Variants in TCF4 observed in about 807,000 individuals in gnomAD.
The protein encoded by TCF4 is SL3-3 enhancer factor 2.
In TCF4, 3 loss-of-function variants were observed where a neutral mutation model predicts 82.1. The ratio of observed to expected loss-of-function variants is 0.04; its 90% confidence interval spans 0.02 to 0.09. The LOEUF (loss-of-function observed/expected upper bound fraction) is 0.09, where lower values mean the gene tolerates loss of function less well. Ranked by LOEUF, TCF4 falls within the 10% of genes least tolerant of loss-of-function variation. The pLI is 1.00. For synonymous variants in TCF4, 276 were observed against 309.6 expected, an observed-to-expected ratio of 0.89 and a Z score of 1.14; for missense variants, 518 against 852.7, an observed-to-expected ratio of 0.61 and a Z score of 4.89.
At chr18:55,527,109 T>C (rs1307554697) in intron 3 of TCF4, among the ~76,000 whole-genome samples, 1 of 152,194 alleles carries the variant, frequency 6.6e-6, no homozygotes, top group African/African-American at 2.4e-5. Context: ...GTGAAAATAG[T>C]AACCTCACGC....
At position 55,532,278 on chromosome 18, in the gene TCF4, C is replaced by T. The variant is rs530049243; in HGVS notation, c.145+53002G>A. On this transcript the variant is annotated intron_variant, in intron 3 of 19. Transcript: ENST00000354452. Reference sequence around the variant, plus strand: ...TGGATTAAGGAGTTAATAGTCATTGCCATCCTCATCATCATCATCATCAAC... The same window carrying T: ...TGGATTAAGGAGTTAATAGTCATTGTCATCCTCATCATCATCATCATCAAC... Among the ~76,000 whole-genome samples, 3 of 152,222 alleles carry T rather than the reference C, an allele frequency of 2.0e-5. 1 individual carries two copies. Among genetic ancestry groups the T allele is most frequent in the African/African-American group, 2.4e-5 (1 of 41,524 alleles).
At chr18:55,422,019 A>G (rs184020383) in intron 5 of TCF4, 394 of 229,094 alleles carry the variant, frequency 1.7e-3, no homozygotes, top group Non-Finnish European at 1.9e-3. Flanking sequence ...CTAAACCAGA[A>G]GTGTTGAGTG....
At chr18:55,615,549 C>A (rs2097710958) in intron 2 of TCF4, among the ~76,000 whole-genome samples, 2 of 151,882 alleles carry the variant, frequency 1.3e-5, no homozygotes, top group African/African-American at 4.8e-5. Context: ...TTGGCTATAA[C>A]CTTAAATGCA....
chr18:55,354,809 G>A (rs570869388), intron 6 of TCF4, among the ~76,000 whole-genome samples: 1 of 152,204 alleles, frequency 6.6e-6, no homozygotes, highest in South Asian at 2.1e-4. Flanking sequence ...GAATTTCAGA[G>A]TTGGAAACTG....
chr18:55,571,614 C>T (rs553108733), intron 3 of TCF4, among the ~76,000 whole-genome samples: 11 of 152,096 alleles, frequency 7.2e-5, no homozygotes, highest in African/African-American at 2.7e-4. Context: ...CTAATATTTG[C>T]TTGGGGTTAA....
intron 3 of TCF4, among the ~76,000 whole-genome samples, chr18:55,575,061 T>C (rs552660579): frequency 2.4e-4 from 37 of 152,306 alleles, no homozygotes; most frequent in Admixed American, 2.3e-3. Flanking sequence ...GATTAAAGTG[T>C]AGAATTCCCT....
intron 19 of TCF4, 38 bp downstream of exon 19, chr18:55,228,183 G>C: frequency 5.6e-6 from 9 of 1,613,378 alleles, no homozygotes; most frequent in Non-Finnish European, 7.6e-6. Flanking sequence ...TGAGAGTTTT[G>C]AATGATCGAT....
intron 3 of TCF4, among the ~76,000 whole-genome samples, chr18:55,544,665 G>C (rs2097190706): frequency 6.6e-6 from 1 of 152,106 alleles, no homozygotes. Context: ...ACAAAACTCT[G>C]TAAGAATAAG....
chr18:55,396,345 G>A (rs1438638740), intron 6 of TCF4, among the ~76,000 whole-genome samples: 1 of 152,066 alleles, frequency 6.6e-6, no homozygotes, highest in Non-Finnish European at 1.5e-5. Context: ...GATTTATATT[G>A]GCACCTAATA....
chr18:55,547,086 T>A (rs2097213883), intron 3 of TCF4, among the ~76,000 whole-genome samples: 1 of 152,220 alleles, frequency 6.6e-6, no homozygotes, highest in African/African-American at 2.4e-5. Flanking sequence ...GAGTCACCAG[T>A]ACTTTAAAAC....
At chr18:55,427,112 A>G (rs1344024221) in intron 5 of TCF4, among the ~76,000 whole-genome samples, 1 of 152,204 alleles carries the variant, frequency 6.6e-6, no homozygotes, top group Non-Finnish European at 1.5e-5. Flanking sequence ...AGACAGTTCA[A>G]TAGCATCAAA....
chr18:55,257,185 A>G, intron 14 of TCF4, 130 bp downstream of exon 14: 1 of 949,992 alleles, frequency 1.1e-6, no homozygotes, highest in Non-Finnish European at 1.7e-6. Flanking sequence ...GGCTCCCGCA[A>G]ACCTGTGTGC....
chr18:55,524,362 T>A (rs912795534), intron 3 of TCF4, among the ~76,000 whole-genome samples: 11 of 149,374 alleles, frequency 7.4e-5, no homozygotes, highest in Admixed American at 2.7e-4. Context: ...TAATTCAATT[T>A]AAAAAAAAAA....
intron 3 of TCF4, among the ~76,000 whole-genome samples, chr18:55,573,205 C>T (rs998134250): frequency 2.0e-5 from 3 of 151,410 alleles, no homozygotes; most frequent in Admixed American, 1.3e-4. Context: ...AAGGCAGTGG[C>T]TATCACACAG....
intron 8 of TCF4, chr18:55,322,093 TTTTTTTTTTTCC>T: frequency 2.1e-6 from 1 of 487,754 alleles, no homozygotes; most frequent in Non-Finnish European, 2.5e-6. Context: ...TTTTCTTTTC[TTTTTTTTTTTCC>T]TTTTTTTTTT....
intron 3 of TCF4, among the ~76,000 whole-genome samples, chr18:55,493,159 T>C (rs1314037751): frequency 3.9e-5 from 6 of 152,202 alleles, no homozygotes; most frequent in African/African-American, 1.4e-4. Context: ...AGTGGCACAG[T>C]GACCCTAGAA....
At chr18:55,379,472 A>G (rs1442294999) in intron 6 of TCF4, among the ~76,000 whole-genome samples, 1 of 152,142 alleles carries the variant, frequency 6.6e-6, no homozygotes, top group African/African-American at 2.4e-5. Context: ...CTGGGAAGGG[A>G]GTGTGTCCCT....
chr18:55,308,324 A>G (rs1036381190), intron 8 of TCF4, among the ~76,000 whole-genome samples: 3 of 152,238 alleles, frequency 2.0e-5, no homozygotes, highest in South Asian at 2.1e-4. Flanking sequence ...GGAATATTGC[A>G]TGCTGCTGGG....
intron 17 of TCF4, chr18:55,230,842 A>G (rs1241348084): frequency 6.6e-6 from 1 of 152,238 alleles, no homozygotes; most frequent in Non-Finnish European, 1.5e-5. Flanking sequence ...TGGGAGTGGT[A>G]TTCTTCGGTT....
Sources: gnomAD v4.1 joint callset for allele counts (sites outside exome capture counted in the v4.1 genomes callset) on GRCh38, gnomAD v4.1.1 for gene constraint, MANE v1.5 for transcripts, NCBI Gene and HGNC (gene_info 2026-07-23, HGNC 2026-07-21) for gene names.